FAM162A: variants seen among roughly 807,000 people sequenced by gnomAD.
FAM162A encodes the protein protein FAM162A.
A neutral mutation model predicts 21.8 loss-of-function variants in FAM162A; 23 were observed. The ratio of observed to expected loss-of-function variants is 1.05; its 90% CI spans 0.76 to 1.49. The LOEUF is 1.49. Ranked by LOEUF, FAM162A falls within the 40% of genes most tolerant of loss-of-function variation. The probability of loss-of-function intolerance (pLI) is 0.00; values close to 1 mark genes in which losing one functional copy is unlikely to be tolerated. For synonymous variants in FAM162A, 53 were observed against 61.3 expected (o/e 0.86, Z 0.64); for missense variants, 165 against 186.4 (o/e 0.89, Z 0.67).
rs544490443 is a variant in FAM162A at position 122,389,129 on chromosome 3, A to G, written c.34+4830A>G. Among the ~76,000 whole-genome samples, 6 of 152,294 alleles carry G rather than the reference A, an allele frequency of 3.9e-5. No homozygotes were observed. In the East Asian group the frequency reaches 7.7e-4, roughly 20 times the overall value. On this transcript the variant is annotated intron_variant, in intron 1 of 4. Coordinates refer to ENST00000477892, the MANE Select transcript of FAM162A (RefSeq NM_014367.4). ...GTAATTTTAGTAAAATGATTGGAGA[A>G]GGAAACATTGTAGCAAAATAAAGTG... is the stretch of plus-strand genomic sequence containing the variant.
intron 1 of FAM162A, among the ~76,000 whole-genome samples, chr3:122,394,064 C>T (rs944056600): frequency 6.6e-6 from 1 of 152,022 alleles, no homozygotes; most frequent in Admixed American, 6.6e-5. Context: ...TGGTGGAAGG[C>T]GAAGGGGGAG....
intron 4 of FAM162A, 133 bp from the exon 5 acceptor site, chr3:122,409,606 C>T: frequency 4.2e-6 from 3 of 721,622 alleles, no homozygotes; most frequent in Admixed American, 4.6e-5. Context: ...GAGGAAACTG[C>T]CGTGCTCAGT....
At chr3:122,388,667 A>G (rs2075585377) in intron 1 of FAM162A, among the ~76,000 whole-genome samples, 1 of 152,186 alleles carries the variant, frequency 6.6e-6, no homozygotes, top group Non-Finnish European at 1.5e-5. Flanking sequence ...GAGGCATTGA[A>G]TCCTTGTAGA....
intron 1 of FAM162A, among the ~76,000 whole-genome samples, chr3:122,384,935 A>T (rs1331339707): frequency 6.6e-6 from 1 of 152,146 alleles, no homozygotes; most frequent in Non-Finnish European, 1.5e-5. Context: ...CATTTGTGTG[A>T]TGACTATTTT....
intron 1 of FAM162A, among the ~76,000 whole-genome samples, chr3:122,393,375 G>A (rs1026013920): frequency 3.3e-5 from 5 of 150,782 alleles, no homozygotes; most frequent in African/African-American, 9.7e-5. Flanking sequence ...GCCTGAAATC[G>A]TGGTAGGACA....
rs190793577 is a variant in FAM162A, at chr3:122,399,510, T to A, written c.35-3250T>A. ...GCCCAGCCTAAAGAAAAGACCACAT[T>A]TTCTTTATCCAGTCTGCCATTGATG... is the stretch of plus-strand genomic sequence containing the variant. On this transcript the variant is annotated intron_variant, in intron 1 of 4. Transcript: ENST00000477892. Among the ~76,000 whole-genome samples, 310 of 152,226 alleles carry A rather than the reference T, an allele frequency of 2.0e-3. 1 individual carries two copies. Among genetic ancestry groups the A allele is most frequent in the Non-Finnish European group, 2.6e-3 (180 of 67,996 alleles).
chr3:122,400,018 C>T (rs369314787), intron 1 of FAM162A, among the ~76,000 whole-genome samples: 3 of 152,148 alleles, frequency 2.0e-5, no homozygotes, highest in Non-Finnish European at 2.9e-5. Context: ...GCAGGAGAAT[C>T]GCTTGTACCT....
intron 1 of FAM162A, among the ~76,000 whole-genome samples, chr3:122,391,944 A>G (rs2075606043): frequency 6.6e-6 from 1 of 152,190 alleles, no homozygotes; most frequent in South Asian, 2.1e-4. Flanking sequence ...AGTATCTAAC[A>G]TATGTATAAC....
chr3:122,407,257 C>T (rs753133547), intron 3 of FAM162A, 24 bp from the exon 4 acceptor site: 6 of 1,599,854 alleles, frequency 3.8e-6, no homozygotes, highest in Non-Finnish European at 5.1e-6. Context: ...ATAACTTTCT[C>T]TCATGATCTC....
chr3:122,409,802 G>A lies in FAM162A; in HGVS notation c.436G>A (p.Glu146Lys), dbSNP rs527415345. 1 of 1,614,106 alleles carries A rather than the reference G, an allele frequency of 6.2e-7. No homozygotes were observed. Among genetic ancestry groups the A allele is most frequent in the South Asian group, 1.1e-5 (1 of 91,086 alleles). The change falls in exon 5 of 5, where the codon GAA (glutamate) becomes AAA (lysine). Residue 146 changes from glutamate (E) to lysine (K), a missense_variant. Physicochemically the swap from Glu to Lys is moderately conservative, Grantham distance 56 (BLOSUM62 1). Coordinates refer to ENST00000477892, the MANE Select transcript of FAM162A (RefSeq NM_014367.4). ...NLEKKARLKE[E>K]AAMKAKTE ...AGAAAAGAAAGCTCGTCTGAAAGAG[G>A]AAGCAGCTATGAAGGCCAAAACAGA...
chr3:122,406,384 C>T (rs536251231), intron 3 of FAM162A, among the ~76,000 whole-genome samples: 53 of 152,268 alleles, frequency 3.5e-4, no homozygotes, highest in African/African-American at 1.2e-3. Flanking sequence ...ATGGTGAGAC[C>T]CCATCTCTTT....
chr3:122,391,086 T>C (rs2075602394), intron 1 of FAM162A, among the ~76,000 whole-genome samples: 1 of 152,250 alleles, frequency 6.6e-6, no homozygotes, highest in African/African-American at 2.4e-5. Context: ...AGTAATGATA[T>C]TAAAGTTTGT....
At chr3:122,408,976 A>G (rs1178638274) in intron 4 of FAM162A, among the ~76,000 whole-genome samples, 1 of 152,134 alleles carries the variant, frequency 6.6e-6, no homozygotes, top group African/African-American at 2.4e-5. Context: ...TAGCCATTGT[A>G]TATTTTGCTC....
chr3:122,388,412 T>C (rs1051220995), intron 1 of FAM162A, among the ~76,000 whole-genome samples: 2 of 152,154 alleles, frequency 1.3e-5, no homozygotes, highest in Non-Finnish European at 2.9e-5. Context: ...TTGTGAGAGG[T>C]TGAAGACCTG....
In FAM162A at chr3:122,410,279, G is replaced by A. The variant is rs1228169847; in HGVS notation, c.*448G>A. On this transcript the variant is annotated 3_prime_UTR_variant, in exon 5 of 5. Transcript: ENST00000477892. The stretch of plus-strand genomic sequence containing the variant: ...GAGGCTGCCCCCTAATAGAGCGAGC[G>A]CTGAGAAGCAGCCAGACCACATTCT... 1.3e-5 allele frequency: 3 copies of A among 223,816 alleles called. No individual in the cohort carries two copies. The highest frequency in any genetic ancestry group is 1.1e-4 in the Admixed American group (2 of 18,684). 13.9% of individuals were successfully genotyped at this position (223,816 alleles called of 1,614,324 possible).
At chr3:122,397,853 A>G (rs540443553) in intron 1 of FAM162A, among the ~76,000 whole-genome samples, 37 of 152,340 alleles carry the variant, frequency 2.4e-4, no homozygotes, top group Non-Finnish European at 2.8e-4. Context: ...CTGAAAAAAA[A>G]TGAGCCCCCA....
intron 3 of FAM162A, 137 bp downstream of exon 3, chr3:122,404,500 C>A: frequency 2.0e-6 from 1 of 490,088 alleles, no homozygotes; most frequent in East Asian, 3.5e-5. Context: ...AATGTTTTAT[C>A]TTTGGTAAGT....
At chr3:122,389,034 G>A (rs1487205327) in intron 1 of FAM162A, among the ~76,000 whole-genome samples, 1 of 148,650 alleles carries the variant, frequency 6.7e-6, no homozygotes, top group African/African-American at 2.5e-5. Context: ...GGGCAACAGA[G>A]CAAGACTCCG....
chr3:122,402,890 TTTA>T lies in FAM162A; in HGVS notation c.157+11_157+13del. Reference sequence around the variant, plus strand: ...GTCCCGGAGCTCCATCCCGTAAGTTTTTATTTTTTCTATTTATGGAGTTGGTAG... The same window carrying T: ...GTCCCGGAGCTCCATCCCGTAAGTTTTTTTTTCTATTTATGGAGTTGGTAG... On this transcript the variant is annotated intron_variant, in intron 2 of 4. Transcript: ENST00000477892. 2 of 1,582,430 alleles carry T rather than the reference TTTA, an allele frequency of 1.3e-6. No individual in the cohort carries two copies. Among genetic ancestry groups the T allele is most frequent in the African/African-American group, 2.7e-5 (2 of 72,964 alleles).
Sources: allele counts gnomAD v4.1 joint callset (sites outside exome capture counted in the v4.1 genomes callset), GRCh38; gene constraint gnomAD v4.1.1; transcripts MANE v1.5; gene names NCBI Gene and HGNC (gene_info 2026-07-23, HGNC 2026-07-21).